The following CACNA2D3 variants were observed in gnomAD, a reference collection of about 807,000 sequenced individuals.
CACNA2D3 encodes calcium voltage-gated channel auxiliary subunit alpha2delta 3, also known as voltage-dependent calcium channel subunit alpha-2/delta-3.
Under a neutral mutation model 160.6 loss-of-function variants are expected in CACNA2D3, and 60 were observed. The observed-to-expected ratio is 0.37, with a 90% CI of 0.30 to 0.46. CACNA2D3 has a LOEUF of 0.46. Ranked by LOEUF, CACNA2D3 falls within the 20% of genes least tolerant of loss-of-function variation. CACNA2D3 has a pLI of 1.00. For synonymous variants in CACNA2D3, 558 were observed against 492.9 expected (o/e 1.13, Z -1.75); for missense variants, 1,205 against 1,365.0 (o/e 0.88, Z 1.85).
intron 35 of CACNA2D3, among the ~76,000 whole-genome samples, chr3:55,030,420 A>G (rs577081494): frequency 2.0e-5 from 3 of 152,230 alleles, no homozygotes; most frequent in African/African-American, 4.8e-5. Context: ...TATTATGGGT[A>G]TGGGGCCAGG....
Position 54,661,170 on chromosome 3 carries a change from A to G in CACNA2D3, c.1167+18929A>G, listed in dbSNP as rs573662251. Among the ~76,000 whole-genome samples, 83 of 152,302 alleles carry G rather than the reference A, an allele frequency of 5.4e-4. 1 individual carries two copies. In the South Asian group the frequency reaches 0.016, roughly 30 times the overall value. ...ACCCTGGAACAGATTTCCAAGGTGC[A>G]CTTGGATCTGGAGAGGGTCAGCCTG... On this transcript the variant is annotated intron_variant, in intron 11 of 37. Coordinates refer to ENST00000474759, the MANE Select transcript of CACNA2D3 (RefSeq NM_018398.3).
At chr3:54,394,672 C>T (rs1575431491) in intron 4 of CACNA2D3, among the ~76,000 whole-genome samples, 1 of 113,938 alleles carries the variant, frequency 8.8e-6, no homozygotes, top group South Asian at 3.0e-4. Context: ...TATAGTATTC[C>T]ATGGTGTATA....
chr3:54,550,741 G>A (rs1702142819), intron 5 of CACNA2D3, among the ~76,000 whole-genome samples: 1 of 152,136 alleles, frequency 6.6e-6, no homozygotes, highest in African/African-American at 2.4e-5. Context: ...ATTTCCCCGT[G>A]GTATAGTGAT....
chr3:55,051,431 A>G (rs1009429190), intron 35 of CACNA2D3, among the ~76,000 whole-genome samples: 1 of 152,164 alleles, frequency 6.6e-6, no homozygotes, highest in African/African-American at 2.4e-5. Flanking sequence ...GTCAGGGGTC[A>G]GGGACCCACT....
rs984378773 is a variant in CACNA2D3, at chr3:54,907,821, G to T, written c.2449+7953G>T. Among the ~76,000 whole-genome samples, 5 of 152,094 alleles carry T rather than the reference G, an allele frequency of 3.3e-5. No individual in the cohort carries two copies. In the East Asian group the frequency reaches 9.6e-4, roughly 29 times the overall value. On this transcript the variant is annotated intron_variant, in intron 27 of 37. Transcript: ENST00000474759. ...GGACATTCCAGATAAATGGAATCAT[G>T]TAATATGTGCCCTTTTGTGACAAGC...
At chr3:54,785,145 G>A (rs1702612016) in intron 13 of CACNA2D3, among the ~76,000 whole-genome samples, 1 of 152,186 alleles carries the variant, frequency 6.6e-6, no homozygotes, top group African/African-American at 2.4e-5. Context: ...GGGATTGGTT[G>A]GGATAAGTTA....
chr3:54,916,160 G>C (rs1700654912), intron 27 of CACNA2D3, among the ~76,000 whole-genome samples: 1 of 152,144 alleles, frequency 6.6e-6, no homozygotes, highest in African/African-American at 2.4e-5. Context: ...TGGCTCATGG[G>C]GTGGGTGTCA....
At chr3:55,035,965 G>A (rs145394513) in intron 35 of CACNA2D3, among the ~76,000 whole-genome samples, 37 of 152,306 alleles carry the variant, frequency 2.4e-4, no homozygotes, top group African/African-American at 6.3e-4. Context: ...TTGAATACAC[G>A]TTAACTTGAA....
intron 3 of CACNA2D3, among the ~76,000 whole-genome samples, chr3:54,326,237 C>T (rs62256088): frequency 0.094 from 14,362 of 152,168 alleles, 864 homozygotes; most frequent in East Asian, 0.18. Flanking sequence ...TAAACATTTA[C>T]CTTCTCAGAA....
At chr3:54,298,092 C>A (rs969030061) in intron 2 of CACNA2D3, among the ~76,000 whole-genome samples, 1 of 152,180 alleles carries the variant, frequency 6.6e-6, no homozygotes, top group Non-Finnish European at 1.5e-5. Flanking sequence ...AGAGTATATA[C>A]CAGTGTGGTA....
intron 11 of CACNA2D3, among the ~76,000 whole-genome samples, chr3:54,715,991 G>C (rs1337727821): frequency 6.6e-6 from 1 of 152,130 alleles, no homozygotes; most frequent in Non-Finnish European, 1.5e-5. Context: ...CAGGGATGGC[G>C]ATAGATGTGT....
intron 2 of CACNA2D3, among the ~76,000 whole-genome samples, chr3:54,197,784 C>T (rs1238491122): frequency 1.3e-5 from 2 of 152,146 alleles, no homozygotes; most frequent in East Asian, 1.9e-4. Context: ...GTGGAACAGT[C>T]GCCTATCCTT....
intron 5 of CACNA2D3, among the ~76,000 whole-genome samples, chr3:54,520,044 G>A (rs529795369): frequency 2.6e-5 from 4 of 152,236 alleles, no homozygotes; most frequent in Non-Finnish European, 5.9e-5. Context: ...TTGCAATATT[G>A]TGGAAACTAA....
At chr3:54,290,917 CG>C (rs898920824) in intron 2 of CACNA2D3, among the ~76,000 whole-genome samples, 10 of 148,224 alleles carry the variant, frequency 6.7e-5, no homozygotes, top group African/African-American at 1.7e-4. Context: ...TGTGGGGTAG[CG>C]GGGGGTGAGG....
At chr3:54,381,606 C>T (rs1292103621) in intron 3 of CACNA2D3, among the ~76,000 whole-genome samples, 1 of 152,176 alleles carries the variant, frequency 6.6e-6, no homozygotes, top group Non-Finnish European at 1.5e-5. Flanking sequence ...ATGTCTTTAA[C>T]GCTAGTCCTG....
At chr3:54,462,287 T>C (rs956261295) in intron 4 of CACNA2D3, among the ~76,000 whole-genome samples, 1 of 152,212 alleles carries the variant, frequency 6.6e-6, no homozygotes, top group Non-Finnish European at 1.5e-5. Flanking sequence ...TAGATGTCTA[T>C]TAGGTCCACT....
chr3:54,402,550 A>G (rs927373329), intron 4 of CACNA2D3, among the ~76,000 whole-genome samples: 6 of 152,200 alleles, frequency 3.9e-5, no homozygotes, highest in African/African-American at 1.2e-4. Flanking sequence ...TAGGGTCACT[A>G]TTTAATGATA....
At chr3:54,969,262 C>CTTTT (rs66688757) in intron 28 of CACNA2D3, among the ~76,000 whole-genome samples, 24 of 134,682 alleles carry the variant, frequency 1.8e-4, no homozygotes, top group African/African-American at 5.0e-4. Context: ...ATAAAGTAGA[C>CTTTT]TTTTTTTTTT....
At chr3:54,812,980 G>T (rs934265903) in intron 13 of CACNA2D3, among the ~76,000 whole-genome samples, 1 of 152,174 alleles carries the variant, frequency 6.6e-6, no homozygotes, top group African/African-American at 2.4e-5. Flanking sequence ...GACTATTTCT[G>T]TTATTGCTGT....
Sources: allele counts gnomAD v4.1 joint callset (sites outside exome capture counted in the v4.1 genomes callset), GRCh38; gene constraint gnomAD v4.1.1; transcripts MANE v1.5; gene names NCBI Gene and HGNC (gene_info 2026-07-23, HGNC 2026-07-21).